DCC: variants seen among roughly 807,000 people sequenced by gnomAD.
DCC encodes DCC netrin 1 receptor, also known as netrin receptor DCC.
A neutral mutation model predicts 172.5 loss-of-function variants in DCC; 58 were observed. That is an observed-to-expected ratio of 0.34 (90% CI 0.27 to 0.42). The LOEUF is 0.42. Ranked by LOEUF, DCC falls within the 10% of genes least tolerant of loss-of-function variation. The probability of loss-of-function intolerance (pLI) is 1.00; values close to 1 mark genes in which losing one functional copy is unlikely to be tolerated. For missense variants in DCC, 1,740 were observed against 1,791.0 expected (o/e 0.97, Z 0.51); for synonymous variants, 709 against 644.5 (o/e 1.10, Z -1.52).
At chr18:53,020,927 C>G (rs1427372015) in intron 5 of DCC, among the ~76,000 whole-genome samples, 1 of 152,150 alleles carries the variant, frequency 6.6e-6, no homozygotes, top group Non-Finnish European at 1.5e-5. Context: ...AGAAGAAAAG[C>G]AGGTTCCAAG....
chr18:53,170,950 A>C (rs1264580286), intron 8 of DCC, among the ~76,000 whole-genome samples: 1 of 152,116 alleles, frequency 6.6e-6, no homozygotes, highest in Non-Finnish European at 1.5e-5. Context: ...TAATGGCATG[A>C]TCTCAGCTCA....
At chr18:52,719,533 G>A (rs2036440761) in intron 1 of DCC, among the ~76,000 whole-genome samples, 1 of 151,054 alleles carries the variant, frequency 6.6e-6, no homozygotes, top group Admixed American at 6.6e-5. Context: ...TGAGTGTAGA[G>A]CAGCAAAATA....
chr18:52,923,002 C>CT (rs752905220), intron 3 of DCC, among the ~76,000 whole-genome samples: 1 of 152,014 alleles, frequency 6.6e-6, no homozygotes, highest in Non-Finnish European at 1.5e-5. Flanking sequence ...AATAGTGTTC[C>CT]ATATATAGAA....
intron 13 of DCC, among the ~76,000 whole-genome samples, chr18:53,319,859 A>G (rs1279374702): frequency 1.1e-5 from 1 of 90,716 alleles, no homozygotes; most frequent in Non-Finnish European, 2.5e-5. Flanking sequence ...AGTCAACTAC[A>G]TATGGACTTA....
intron 7 of DCC, among the ~76,000 whole-genome samples, chr18:53,156,450 T>C (rs1246800618): frequency 6.7e-6 from 1 of 149,194 alleles, no homozygotes; most frequent in Admixed American, 6.7e-5. Context: ...GCCAGTGCAC[T>C]CCAGCTTGGG....
intron 1 of DCC, among the ~76,000 whole-genome samples, chr18:52,749,625 G>T (rs2036964757): frequency 6.6e-6 from 1 of 152,298 alleles, no homozygotes; most frequent in East Asian, 1.9e-4. Context: ...GGGTAATTGT[G>T]TTAAAGTTGA....
intron 12 of DCC, among the ~76,000 whole-genome samples, chr18:53,264,305 C>T (rs146688650): frequency 3.6e-4 from 55 of 151,848 alleles, no homozygotes; most frequent in African/African-American, 1.3e-3. Flanking sequence ...TGGCTAACAT[C>T]GTAAAACCCC....
intron 2 of DCC, among the ~76,000 whole-genome samples, chr18:52,767,367 A>G (rs546657353): frequency 7.2e-5 from 11 of 152,296 alleles, no homozygotes; most frequent in African/African-American, 2.2e-4. Context: ...ACCTTGGGAC[A>G]ATTTCACTAC....
At chr18:52,652,089 G>A (rs2035143010) in intron 1 of DCC, among the ~76,000 whole-genome samples, 1 of 152,218 alleles carries the variant, frequency 6.6e-6, no homozygotes, top group South Asian at 2.1e-4. Flanking sequence ...CTGCAGATGA[G>A]ACAAGAACTA....
chr18:53,136,376 T>C (rs1319266012), intron 7 of DCC, among the ~76,000 whole-genome samples: 1 of 152,082 alleles, frequency 6.6e-6, no homozygotes, highest in Admixed American at 6.6e-5. Context: ...GTCATGGCCA[T>C]GCTAACAATT....
At chr18:53,526,285 C>T (rs927416317) in intron 27 of DCC, among the ~76,000 whole-genome samples, 1 of 152,068 alleles carries the variant, frequency 6.6e-6, no homozygotes, top group Non-Finnish European at 1.5e-5. Flanking sequence ...TGGCCCTAAG[C>T]CGAGACTGGC....
chr18:52,775,128 C>G (rs1450906552), intron 2 of DCC, among the ~76,000 whole-genome samples: 2 of 152,056 alleles, frequency 1.3e-5, no homozygotes, highest in African/African-American at 2.4e-5. Context: ...CTTCCAGGAT[C>G]CTGGGTGAGG....
intron 2 of DCC, among the ~76,000 whole-genome samples, chr18:52,755,124 A>C (rs1051161067): frequency 1.3e-5 from 2 of 152,210 alleles, no homozygotes; most frequent in African/African-American, 4.8e-5. Context: ...ATGAAGTGGA[A>C]AGGGGACAAT....
At chr18:53,270,696 G>C (rs2056738905) in intron 12 of DCC, among the ~76,000 whole-genome samples, 1 of 151,996 alleles carries the variant, frequency 6.6e-6, no homozygotes, top group African/African-American at 2.4e-5. Flanking sequence ...TGGCACATTG[G>C]TACCCATTGT....
chr18:53,340,317 T>G (rs562149860), intron 15 of DCC, among the ~76,000 whole-genome samples: 1 of 152,282 alleles, frequency 6.6e-6, no homozygotes, highest in South Asian at 2.1e-4. Context: ...ACTGGGAAAA[T>G]GTTCTGTTAA....
At chr18:52,958,005 G>T (rs184064777) in intron 5 of DCC, among the ~76,000 whole-genome samples, 27 of 152,228 alleles carry the variant, frequency 1.8e-4, no homozygotes, top group Middle Eastern at 3.4e-3. Context: ...CTATTGCATT[G>T]ATTCAAGATA....
At chr18:52,408,634 A>G (rs916114881) in intron 1 of DCC, among the ~76,000 whole-genome samples, 1 of 152,082 alleles carries the variant, frequency 6.6e-6, no homozygotes, top group African/African-American at 2.4e-5. Flanking sequence ...ATAGTTTGTT[A>G]TTTTATATTC....
intron 5 of DCC, among the ~76,000 whole-genome samples, chr18:52,955,927 GTTTTTAAAAGCT>G (rs1361457180): frequency 6.6e-6 from 1 of 151,112 alleles, no homozygotes; most frequent in Non-Finnish European, 1.5e-5. Flanking sequence ...TTATTGTTGA[GTTTTTAAAAGCT>G]TTTTGCATAT....
chr18:52,963,790 C>A (rs1053486508), intron 5 of DCC, among the ~76,000 whole-genome samples: 3 of 150,980 alleles, frequency 2.0e-5, no homozygotes, highest in African/African-American at 7.3e-5. Context: ...ATCTGGCATA[C>A]CTTGTTCAAT....
Sources: allele counts gnomAD v4.1 joint callset (sites outside exome capture counted in the v4.1 genomes callset), GRCh38; gene constraint gnomAD v4.1.1; transcripts MANE v1.5; gene names NCBI Gene and HGNC (gene_info 2026-07-23, HGNC 2026-07-21).